Variants in KCNJ4 observed in about 807,000 individuals in gnomAD.
KCNJ4 encodes potassium inwardly rectifying channel subfamily J member 4.
KCNJ4 carries 3 observed loss-of-function variants against 25.6 expected under a neutral mutation model. The ratio of observed to expected loss-of-function variants is 0.12; its 90% confidence interval spans 0.05 to 0.30. The LOEUF (loss-of-function observed/expected upper bound fraction) is 0.30, where lower values mean the gene tolerates loss of function less well. Ranked by LOEUF, KCNJ4 falls within the 10% of genes least tolerant of loss-of-function variation. The pLI is 1.00. For missense variants in KCNJ4, 286 were observed against 666.8 expected (o/e 0.43, Z 6.29); for synonymous variants, 257 against 283.9 (o/e 0.91, Z 0.95).
chr22:38,450,524 C>T lies in KCNJ4; in HGVS notation c.-40+4456G>A, dbSNP rs181235545. On this transcript the variant is annotated intron_variant, in intron 1 of 1. Transcript: ENST00000303592. ...CCCTTCTGCTCCCCTCTCCCTGCGCCGATAACTTTCCTCCTGCAGCCCTAG... is the reference window on the plus strand; with the variant it reads ...CCCTTCTGCTCCCCTCTCCCTGCGCTGATAACTTTCCTCCTGCAGCCCTAG... Among the ~76,000 whole-genome samples the T allele has an allele frequency of 1.1e-4, 16 of 152,252 alleles. 1 individual carries two copies. Among genetic ancestry groups the T allele is most frequent in the Admixed American group, 6.5e-4 (10 of 15,298 alleles).
At chr22:38,448,381 C>T (rs544430036) in intron 1 of KCNJ4, among the ~76,000 whole-genome samples, 2 of 152,208 alleles carry the variant, frequency 1.3e-5, no homozygotes, top group East Asian at 3.9e-4. Flanking sequence ...CCCCGATACA[C>T]AGAGGGGCAA....
In KCNJ4 at chr22:38,441,314, G is replaced by A. The variant is rs562802835; in HGVS notation, c.-39-13143C>T. On this transcript the variant is annotated intron_variant, in intron 1 of 1. Coordinates refer to ENST00000303592, the MANE Select transcript of KCNJ4 (RefSeq NM_152868.3). ...CCTCATGGGCTGGGCAGAAAGGGAG[G>A]TGCTGGGGAAGAGCCAGGAGTTCTG... 9.8e-5 allele frequency among the ~76,000 whole-genome samples: 15 copies of A among 152,330 alleles called. No homozygotes were observed. The East Asian group carries it at 2.5e-3, about 26-fold the overall frequency.
At chr22:38,437,425 A>T (rs1457067756) in intron 1 of KCNJ4, among the ~76,000 whole-genome samples, 1 of 152,192 alleles carries the variant, frequency 6.6e-6, no homozygotes, top group African/African-American at 2.4e-5. Flanking sequence ...GGATCCCTGA[A>T]GCTTCTCTTT....
chr22:38,447,228 G>A (rs1241266233), intron 1 of KCNJ4, among the ~76,000 whole-genome samples: 10 of 152,206 alleles, frequency 6.6e-5, no homozygotes, highest in African/African-American at 2.4e-4. Context: ...GCGAAGGAAA[G>A]AGGGAGTCAG....
Position 38,449,566 on chromosome 22 carries a change from G to A in KCNJ4, c.-40+5414C>T, listed in dbSNP as rs1206632388. Among the ~76,000 whole-genome samples, 3 of 152,298 alleles carry A rather than the reference G, an allele frequency of 2.0e-5. No individual in the cohort carries two copies. The highest frequency in any genetic ancestry group is 2.4e-5 in the African/African-American group (1 of 41,564). The stretch of plus-strand genomic sequence containing the variant: ...CCTGTGTCTGTGCCTGAGCATGCAC[G>A]CGCAGGCTGAAAGGGGGCTGCGAGC... On this transcript the variant is annotated intron_variant, in intron 1 of 1. Transcript: ENST00000303592. The surrounding 1 kb of genome is among the most constrained non-coding windows in gnomAD (Gnocchi z 5.2).
At chr22:38,433,318 T>C (rs1047384612) in intron 1 of KCNJ4, among the ~76,000 whole-genome samples, 25 of 151,168 alleles carry the variant, frequency 1.7e-4, no homozygotes, top group Non-Finnish European at 2.4e-4. Flanking sequence ...TGGTGGTGTG[T>C]GCCTGTAACC....
chr22:38,442,588 A>G (rs112579516), intron 1 of KCNJ4, among the ~76,000 whole-genome samples: 5 of 150,990 alleles, frequency 3.3e-5, no homozygotes, highest in African/African-American at 1.2e-4. Flanking sequence ...AAGTCTGAGA[A>G]CACTTCACCT....
chr22:38,445,698 T>C (rs9607538), intron 1 of KCNJ4, among the ~76,000 whole-genome samples: 13,455 of 152,260 alleles, frequency 0.088, 672 homozygotes, highest in South Asian at 0.19. Context: ...CCTCACTACA[T>C]GCATAGTATT....
rs530420945 is a variant in KCNJ4 at position 38,441,539 on chromosome 22, TG to T, written c.-39-13369del. Among the ~76,000 whole-genome samples, 199 of 152,012 alleles carry T rather than the reference TG, an allele frequency of 1.3e-3. 7 individuals are homozygous for T. Among genetic ancestry groups the T allele is most frequent in the Admixed American group, 0.013 (198 of 15,270 alleles). On this transcript the variant is annotated intron_variant, in intron 1 of 1. Coordinates refer to ENST00000303592, the MANE Select transcript of KCNJ4 (RefSeq NM_152868.3). ...TCCAGGAGTTGGGGCTGCCGGCTGG[TG>T]GGGGGTGTCTCCCAGAACCTAGGGG...
intron 1 of KCNJ4, among the ~76,000 whole-genome samples, chr22:38,448,957 A>G (rs907847415): frequency 6.6e-6 from 1 of 151,982 alleles, no homozygotes; most frequent in African/African-American, 2.4e-5. Context: ...ACAGGTCACC[A>G]TTACAACGCT....
rs187779252 is a variant in KCNJ4 at position 38,431,193 on chromosome 22, G to A, written c.-39-3022C>T. The stretch of plus-strand genomic sequence containing the variant: ...CAGGGGATCCCTGGTTCTCTGCCCG[G>A]TGGGATTGCCTCCTGACATGGCGAG... On this transcript the variant is annotated intron_variant, in intron 1 of 1. Transcript: ENST00000303592. Among the ~76,000 whole-genome samples, 31 of 152,336 alleles carry A rather than the reference G, an allele frequency of 2.0e-4. No homozygotes were observed. In the East Asian group the frequency reaches 5.6e-3, roughly 28 times the overall value.
chr22:38,427,848 C>G lies in KCNJ4; in HGVS notation c.285G>C (p.Ala95=). The G allele has an allele frequency of 6.2e-7, 1 of 1,610,072 alleles. No homozygotes were observed. The highest frequency in any genetic ancestry group is 8.5e-7 in the Non-Finnish European group (1 of 1,178,044). ...GDLEASPGVP[A]AGGPAAGGGG... is the part of the protein sequence containing the mutation. ...CACCACCCGCCGCCGGGCCCCCCGC[C>G]GCAGGCACCCCTGGGCTGGCCTCCA... The change falls in exon 2 of 2, where the codon GCG becomes GCC. Residue 95 remains alanine, a synonymous_variant. Transcript: ENST00000303592.
chr22:38,444,776 T>TG (rs1340406103), intron 1 of KCNJ4, among the ~76,000 whole-genome samples: 1 of 152,144 alleles, frequency 6.6e-6, no homozygotes, highest in Non-Finnish European at 1.5e-5. Context: ...CCCTCTTTAC[T>TG]GCTGACCACC....
Position 38,426,534 on chromosome 22 carries a change from G to T in KCNJ4, c.*261C>A. 2.2e-6 allele frequency: 1 copy of T among 457,354 alleles called. No individual in the cohort carries two copies. Among genetic ancestry groups the T allele is most frequent in the Non-Finnish European group, 3.9e-6 (1 of 257,038 alleles). The allele number at this position is 457,354 out of a possible 1,614,324, so 28.3% of individuals were successfully genotyped here. A position where few individuals can be genotyped will look rare whatever the true frequency, so the allele number is the denominator to read the frequency against. On this transcript the variant is annotated 3_prime_UTR_variant, in exon 2 of 2. Transcript: ENST00000303592. ...GAGGGCACGTCCTTGAAGAGTCAGT[G>T]GGGGAAGGGTGGTGGATCCGGGGAC...
intron 1 of KCNJ4, among the ~76,000 whole-genome samples, chr22:38,435,704 A>AG (rs1216018715): frequency 2.0e-5 from 3 of 151,870 alleles, no homozygotes; most frequent in Non-Finnish European, 4.4e-5. Context: ...GGAAAAAAAA[A>AG]AAAAAAGAAA....
rs2089433149 is a variant in KCNJ4 at position 38,455,163 on chromosome 22, G to C, written c.-223C>G. ...CCGCTCGGTCTGCGCGTGGGTCTTGGGGTCTCCGCGCGTCCCGGCCGTCCC... is the reference window on the plus strand; with the variant it reads ...CCGCTCGGTCTGCGCGTGGGTCTTGCGGTCTCCGCGCGTCCCGGCCGTCCC... On this transcript the variant is annotated 5_prime_UTR_variant, in exon 1 of 2. Coordinates refer to ENST00000303592, the MANE Select transcript of KCNJ4 (RefSeq NM_152868.3). 1 of 148,044 alleles carries C rather than the reference G, an allele frequency of 6.8e-6. No homozygotes were observed. The highest frequency in any genetic ancestry group is 1.5e-5 in the Non-Finnish European group (1 of 66,598). 9.2% of individuals were successfully genotyped at this position (148,044 alleles called of 1,614,324 possible). A position where few individuals can be genotyped will look rare whatever the true frequency, so the allele number is the denominator to read the frequency against.
At chr22:38,453,956 C>T (rs2089423771) in intron 1 of KCNJ4, among the ~76,000 whole-genome samples, 1 of 152,304 alleles carries the variant, frequency 6.6e-6, no homozygotes, top group African/African-American at 2.4e-5. Context: ...ACCTTTTGCT[C>T]CCCTCAGCAC....
rs540451737 is a variant in KCNJ4 at position 38,454,503 on chromosome 22, G to C, written c.-40+477C>G. 2.9e-3 allele frequency among the ~76,000 whole-genome samples: 440 copies of C among 152,294 alleles called. 5 individuals are homozygous for C. The highest frequency in any genetic ancestry group is 0.01 in the African/African-American group (429 of 41,556). ...CTACCAATCCCTGCCCCTGCGCCCT[G>C]GGGTCGTGTGGCGCCAAGTAGGTGC... On this transcript the variant is annotated intron_variant, in intron 1 of 1. Coordinates refer to ENST00000303592, the MANE Select transcript of KCNJ4 (RefSeq NM_152868.3).
intron 1 of KCNJ4, among the ~76,000 whole-genome samples, chr22:38,451,772 G>A (rs984508181): frequency 1.3e-5 from 2 of 152,140 alleles, no homozygotes; most frequent in Non-Finnish European, 2.9e-5. Flanking sequence ...TAAAACAATG[G>A]CCCTGGCTCT....
Sources: allele counts gnomAD v4.1 joint callset (sites outside exome capture counted in the v4.1 genomes callset), GRCh38; gene constraint gnomAD v4.1.1; non-coding constraint Gnocchi (gnomAD v3.1); transcripts MANE v1.5; gene names NCBI Gene and HGNC (gene_info 2026-07-23, HGNC 2026-07-21).